The following POLN variants were observed in gnomAD, a reference collection of about 807,000 sequenced individuals.
POLN encodes DNA polymerase nu.
In POLN, 108 loss-of-function variants were observed where a neutral mutation model predicts 113.5. That is an observed-to-expected ratio of 0.95 (90% CI 0.81 to 1.12). The LOEUF (loss-of-function observed/expected upper bound fraction) is 1.12, where lower values mean the gene tolerates loss of function less well. Ranked by LOEUF, POLN falls within the 50% of genes most tolerant of loss-of-function variation. The pLI, the probability that POLN is intolerant of heterozygous loss-of-function variation, is 0.00. For synonymous variants in POLN, 386 were observed against 391.5 expected, an observed-to-expected ratio of 0.99 and a Z score of 0.17; for missense variants, 1,097 against 1,077.1, an observed-to-expected ratio of 1.02 and a Z score of -0.26.
intron 20 of POLN, chr4:2,090,309 TC>T: frequency 1.2e-6 from 1 of 804,276 alleles, no homozygotes; most frequent in Non-Finnish European, 2.1e-6. Context: ...CAGAACTGAT[TC>T]AATCAATATT....
intron 4 of POLN, among the ~76,000 whole-genome samples, chr4:2,212,046 C>T (rs1701549929): frequency 6.6e-6 from 1 of 152,086 alleles, no homozygotes; most frequent in Admixed American, 6.6e-5. Context: ...ATAATCATCC[C>T]ATCAACCCAA....
At chr4:2,220,388 G>A (rs1174742911) in intron 3 of POLN, among the ~76,000 whole-genome samples, 1 of 152,182 alleles carries the variant, frequency 6.6e-6, no homozygotes, top group Non-Finnish European at 1.5e-5. Context: ...ATCCCCGTGG[G>A]CAGCTTCCTA....
chr4:2,095,909 C>T lies in POLN; in HGVS notation c.2007G>A (p.Val669=), dbSNP rs755297323. 2 of 1,614,188 alleles carry T rather than the reference C, an allele frequency of 1.2e-6. No homozygotes were observed. Among genetic ancestry groups the T allele is most frequent in the South Asian group, 2.2e-5 (2 of 91,086 alleles). ...TGGTTTGCTCTCTGTCTGCGTGTGT[C>T]ACCTGTTCCACGGGCACATCCTTCC... is the stretch of plus-strand genomic sequence containing the variant. The part of the protein sequence containing the change: ...SQWKDVPVEQ[V]THADREQTKK... The change falls in exon 20 of 26, where the codon GTG becomes GTA. Residue 669 remains valine, a synonymous_variant. Coordinates refer to ENST00000511885, the MANE Select transcript of POLN (RefSeq NM_181808.4).
At chr4:2,105,145 C>T (rs958891424) in intron 19 of POLN, among the ~76,000 whole-genome samples, 5 of 152,212 alleles carry the variant, frequency 3.3e-5, no homozygotes, top group African/African-American at 9.6e-5. Flanking sequence ...CCTCCCCTCA[C>T]GTCTCGTGAA....
intron 23 of POLN, 97 bp from the exon 24 acceptor site, chr4:2,075,616 G>A (rs1730256904): frequency 2.8e-5 from 37 of 1,332,970 alleles, no homozygotes; most frequent in African/African-American, 4.3e-5. Flanking sequence ...GGGAGGCCAG[G>A]ACTGTGAGGC....
chr4:2,196,907 G>A (rs899146790), intron 6 of POLN, among the ~76,000 whole-genome samples: 2 of 152,236 alleles, frequency 1.3e-5, no homozygotes, highest in Non-Finnish European at 2.9e-5. Flanking sequence ...TGCAGGGAGG[G>A]ATGGTGGCAC....
In POLN at chr4:2,127,173, T is replaced by C. The variant is rs1657434940; in HGVS notation, c.1982+940A>G. Among the ~76,000 whole-genome samples the C allele has an allele frequency of 1.4e-5, 2 of 146,218 alleles. No individual in the cohort carries two copies. The highest frequency in any genetic ancestry group is 1.4e-4 in the Admixed American group (2 of 14,668). On this transcript the variant is annotated intron_variant, in intron 19 of 25. Coordinates refer to ENST00000511885, the MANE Select transcript of POLN (RefSeq NM_181808.4). The surrounding 1 kb of genome is among the most constrained non-coding windows in gnomAD (Gnocchi z 4.7). Reference sequence around the variant, plus strand: ...GCCATAGGGAGGGGTGAGGGGGCCGTAGGGGGAGCAGAAGAGGCCCAAGGT... The same window carrying C: ...GCCATAGGGAGGGGTGAGGGGGCCGCAGGGGGAGCAGAAGAGGCCCAAGGT...
intron 16 of POLN, among the ~76,000 whole-genome samples, chr4:2,150,685 A>G (rs1402261903): frequency 6.6e-6 from 1 of 152,218 alleles, no homozygotes; most frequent in East Asian, 1.9e-4. Flanking sequence ...TTAAACCCTT[A>G]TATTGATAGT....
At chr4:2,178,787 T>C (rs1733057585) in intron 8 of POLN, among the ~76,000 whole-genome samples, 1 of 152,142 alleles carries the variant, frequency 6.6e-6, no homozygotes, top group Admixed American at 6.5e-5. Context: ...AATTTTTATA[T>C]TTTTAGTAGA....
chr4:2,221,967 A>G (rs935439595), intron 3 of POLN, among the ~76,000 whole-genome samples: 33 of 152,276 alleles, frequency 2.2e-4, no homozygotes, highest in African/African-American at 7.5e-4. Flanking sequence ...TTGAGGTTTC[A>G]TGTCTTCCTA....
chr4:2,236,612 A>G (rs1346191225), intron 2 of POLN, among the ~76,000 whole-genome samples: 1 of 152,130 alleles, frequency 6.6e-6, no homozygotes, highest in Non-Finnish European at 1.5e-5. Flanking sequence ...TAATCCTAGC[A>G]CTTTGGGAGG....
chr4:2,073,688 T>C (rs1269381828), intron 24 of POLN, among the ~76,000 whole-genome samples: 1 of 152,206 alleles, frequency 6.6e-6, no homozygotes, highest in Non-Finnish European at 1.5e-5. Flanking sequence ...CTGGAGCCCC[T>C]GGATAAACAT....
chr4:2,197,334 G>A lies in POLN; in HGVS notation c.908+1190C>T, dbSNP rs113512134. On this transcript the variant is annotated intron_variant, in intron 6 of 25. Coordinates refer to ENST00000511885, the MANE Select transcript of POLN (RefSeq NM_181808.4). ...ACAGCAACGCAGTGGATAAGCAGAG[G>A]GCAGATTCTATCTACACTTGAAGGC... Among the ~76,000 whole-genome samples the A allele has an allele frequency of 2.4e-3, 366 of 152,296 alleles. 1 individual carries two copies. Among genetic ancestry groups the A allele is most frequent in the African/African-American group, 8.4e-3 (348 of 41,556 alleles).
At chr4:2,191,742 A>C (rs893321846) in intron 7 of POLN, among the ~76,000 whole-genome samples, 1 of 152,214 alleles carries the variant, frequency 6.6e-6, no homozygotes, top group Admixed American at 6.5e-5. Context: ...TTAGTCATAC[A>C]ATTGAAATAT....
At chr4:2,216,526 A>G (rs552963247) in intron 3 of POLN, among the ~76,000 whole-genome samples, 4 of 152,174 alleles carry the variant, frequency 2.6e-5, no homozygotes, top group Non-Finnish European at 4.4e-5. Context: ...CTGCTGCTCC[A>G]TCAGGCTGGC....
chr4:2,194,576 G>C (rs1014882364), intron 6 of POLN, among the ~76,000 whole-genome samples: 3 of 152,116 alleles, frequency 2.0e-5, no homozygotes, highest in Admixed American at 1.3e-4. Flanking sequence ...AAGAACTGGG[G>C]CCATGGAGAT....
At chr4:2,133,254 T>C (rs191274865) in intron 16 of POLN, among the ~76,000 whole-genome samples, 1 of 151,906 alleles carries the variant, frequency 6.6e-6, no homozygotes, top group Admixed American at 6.6e-5. Context: ...GAAAACAATA[T>C]GGAGGTTCCT....
At chr4:2,212,194 G>A (rs764502169) in intron 4 of POLN, among the ~76,000 whole-genome samples, 2 of 152,124 alleles carry the variant, frequency 1.3e-5, no homozygotes, top group Non-Finnish European at 2.9e-5. Flanking sequence ...TCATACACAA[G>A]GTCTTTGGTG....
At position 2,095,846 on chromosome 4, in the gene POLN, C is replaced by A. The variant is rs1037003563; in HGVS notation, c.2065+5G>T. 1.7e-5 allele frequency: 27 copies of A among 1,613,760 alleles called. 1 individual carries two copies. In the South Asian group the frequency reaches 2.0e-4, roughly 12 times the overall value. ...CGAGACCCCAGCTCCCGGCCCGCAGCCTACCTGCTCCATAGACCACCGCGT... is the reference window on the plus strand; with the variant it reads ...CGAGACCCCAGCTCCCGGCCCGCAGACTACCTGCTCCATAGACCACCGCGT... On this transcript the variant is annotated splice_donor_5th_base_variant and intron_variant, in intron 20 of 25. Coordinates refer to ENST00000511885, the MANE Select transcript of POLN (RefSeq NM_181808.4).
Sources: allele counts gnomAD v4.1 joint callset (sites outside exome capture counted in the v4.1 genomes callset), GRCh38; gene constraint gnomAD v4.1.1; non-coding constraint Gnocchi (gnomAD v3.1); transcripts MANE v1.5; gene names NCBI Gene and HGNC (gene_info 2026-07-23, HGNC 2026-07-21).